Variants in CMKLR1 observed in about 807,000 individuals in gnomAD.
The protein encoded by CMKLR1 is chemerin-like receptor 1.
In CMKLR1, 6 loss-of-function variants were observed where a neutral mutation model predicts 8.2. The observed-to-expected ratio is 0.73, with a 90% CI of 0.40 to 1.44. The LOEUF is 1.44. Ranked by LOEUF, CMKLR1 falls within the 40% of genes most tolerant of loss-of-function variation. The pLI, the probability that CMKLR1 is intolerant of heterozygous loss-of-function variation, is 0.02. For synonymous variants in CMKLR1, 178 were observed against 181.2 expected (o/e 0.98, Z 0.14); for missense variants, 429 against 478.0 (o/e 0.90, Z 0.96).
intron 2 of CMKLR1, chr12:108,320,744 A>C (rs1426051900): frequency 6.6e-6 from 1 of 152,312 alleles, no homozygotes; most frequent in Non-Finnish European, 1.5e-5. Context: ...TCACACCCAC[A>C]TCCACACTGG....
intron 2 of CMKLR1, chr12:108,317,893 T>C (rs1212885818): frequency 6.6e-6 from 1 of 152,268 alleles, no homozygotes; most frequent in African/African-American, 2.4e-5. Flanking sequence ...TCATGTCTCC[T>C]TCCAGAGTTT....
chr12:108,304,929 G>C (rs1057224189), intron 2 of CMKLR1, among the ~76,000 whole-genome samples: 2 of 152,240 alleles, frequency 1.3e-5, no homozygotes, highest in South Asian at 2.1e-4. Flanking sequence ...GAGCCCATCA[G>C]GGAAACTGGA....
At chr12:108,319,714 A>G (rs997776003) in intron 2 of CMKLR1, among the ~76,000 whole-genome samples, 3 of 152,160 alleles carry the variant, frequency 2.0e-5, no homozygotes, top group Non-Finnish European at 4.4e-5. Flanking sequence ...GTTGTTGTTG[A>G]GTATAATTAT....
At chr12:108,301,071 C>CTTTT (rs11303250) in intron 2 of CMKLR1, among the ~76,000 whole-genome samples, 14 of 90,402 alleles carry the variant, frequency 1.5e-4, no homozygotes, top group South Asian at 4.6e-4. Context: ...CCACCCAAGT[C>CTTTT]TTTTTTTTTT....
chr12:108,293,061 G>A (rs533727463), intron 3 of CMKLR1, 102 bp from the exon 4 acceptor site: 1 of 1,105,784 alleles, frequency 9.0e-7, no homozygotes, highest in African/African-American at 1.6e-5. Context: ...CTCTGAGCAA[G>A]TCCAGTTTTG....
At chr12:108,325,788 A>C (rs577245490) in intron 2 of CMKLR1, among the ~76,000 whole-genome samples, 2 of 152,208 alleles carry the variant, frequency 1.3e-5, no homozygotes, top group African/African-American at 4.8e-5. Flanking sequence ...ACTTCTACCC[A>C]CACCAGCGCA....
At chr12:108,316,208 G>A (rs190990440) in intron 2 of CMKLR1, among the ~76,000 whole-genome samples, 22 of 152,288 alleles carry the variant, frequency 1.4e-4, no homozygotes, top group African/African-American at 5.1e-4. Flanking sequence ...TGCACTGGTC[G>A]CCAGCCTGAG....
Position 108,289,279 on chromosome 12 carries a change from G to A in CMKLR1, c.*2562C>T, listed in dbSNP as rs2162289. Reference sequence around the variant, plus strand: ...AAGTATGTTGGTTGCCTGTGCAGCAGTGCAGGTGAGCACACTTTGCACACT... The same window carrying A: ...AAGTATGTTGGTTGCCTGTGCAGCAATGCAGGTGAGCACACTTTGCACACT... On this transcript the variant is annotated 3_prime_UTR_variant, in exon 4 of 4. Coordinates refer to ENST00000550402, the MANE Select transcript of CMKLR1 (RefSeq NM_001142343.2). 0.47 allele frequency: 71,373 copies of A among 152,150 alleles called. 17,427 individuals carry two copies. Among genetic ancestry groups the A allele is most frequent in the African/African-American group, 0.62 (25,595 of 41,452 alleles). 9.4% of individuals were successfully genotyped at this position (152,150 alleles called of 1,614,324 possible).
chr12:108,298,698 C>T (rs941418361), intron 2 of CMKLR1, among the ~76,000 whole-genome samples: 5 of 152,322 alleles, frequency 3.3e-5, no homozygotes, highest in African/African-American at 4.8e-5. Context: ...AGAGGCAGGC[C>T]GGCCTGACAC....
intron 3 of CMKLR1, 121 bp from the exon 4 acceptor site, chr12:108,293,080 C>T (rs1475757025): frequency 3.3e-6 from 3 of 896,468 alleles, no homozygotes; most frequent in Non-Finnish European, 3.4e-6. Context: ...TGTGATTTAA[C>T]CATTTCCTTC....
At position 108,293,615 on chromosome 12, in the gene CMKLR1, C is replaced by A. The variant is rs780390118; in HGVS notation, c.-24G>T. 2 of 1,549,668 alleles carry A rather than the reference C, an allele frequency of 1.3e-6. No homozygotes were observed. The highest frequency in any genetic ancestry group is 1.7e-6 in the Non-Finnish European group (2 of 1,146,684). On this transcript the variant is annotated 5_prime_UTR_variant, in exon 3 of 4. Coordinates refer to ENST00000550402, the MANE Select transcript of CMKLR1 (RefSeq NM_001142343.2). ...ATTCACCGTTATGTTGTCTGCAGCT[C>A]TCCAATGTGAGTCCTCAGCCAATCA...
chr12:108,325,948 C>T (rs1408357292), intron 2 of CMKLR1, among the ~76,000 whole-genome samples: 1 of 152,188 alleles, frequency 6.6e-6, no homozygotes, highest in Non-Finnish European at 1.5e-5. Context: ...GTTGGGGTAA[C>T]CACTCCTACC....
At chr12:108,320,107 A>G (rs1368235457) in intron 2 of CMKLR1, among the ~76,000 whole-genome samples, 1 of 152,078 alleles carries the variant, frequency 6.6e-6, no homozygotes, top group Non-Finnish European at 1.5e-5. Flanking sequence ...AATTTGAAGG[A>G]CAAGCAGGAG....
At chr12:108,321,354 C>A (rs1413841666) in intron 2 of CMKLR1, among the ~76,000 whole-genome samples, 1 of 152,084 alleles carries the variant, frequency 6.6e-6, no homozygotes, top group Non-Finnish European at 1.5e-5. Flanking sequence ...ATCAATTGAG[C>A]CCAGAAGGTC....
chr12:108,330,816 T>C (rs1010190983), intron 1 of CMKLR1, among the ~76,000 whole-genome samples: 3 of 152,158 alleles, frequency 2.0e-5, no homozygotes, highest in African/African-American at 7.2e-5. Context: ...GCCCCATTGA[T>C]AGTAGAACAG....
In CMKLR1 at chr12:108,331,118, G is replaced by A. The variant is rs191595271; in HGVS notation, c.-286-911C>T. On this transcript the variant is annotated intron_variant, in intron 1 of 3. Transcript: ENST00000550402. The stretch of plus-strand genomic sequence containing the variant: ...ACTAGAAATCACCAGTACCTGGGAT[G>A]GAGAGACTCAAGCTGGGAAGTTAAA... Among the ~76,000 whole-genome samples the A allele has an allele frequency of 2.6e-4, 40 of 152,278 alleles. 4 individuals carry two copies. The highest frequency in any genetic ancestry group is 8.9e-4 in the African/African-American group (37 of 41,546).
intron 2 of CMKLR1, among the ~76,000 whole-genome samples, chr12:108,308,783 G>A (rs4964246): frequency 0.72 from 110,079 of 152,054 alleles, 40,080 homozygotes; most frequent in African/African-American, 0.79. Flanking sequence ...CTTCCTTCCA[G>A]TCCTCTAATC....
intron 2 of CMKLR1, among the ~76,000 whole-genome samples, chr12:108,324,413 G>T (rs1024868408): frequency 1.3e-5 from 2 of 152,146 alleles, no homozygotes; most frequent in African/African-American, 4.8e-5. Flanking sequence ...ATATACAATG[G>T]AGAGGTGAGG....
At chr12:108,293,254 T>C (rs1593156597) in intron 3 of CMKLR1, among the ~76,000 whole-genome samples, 2 of 152,196 alleles carry the variant, frequency 1.3e-5, no homozygotes, top group African/African-American at 4.8e-5. Context: ...GCTTATGTCA[T>C]TTGCCTGAAG....
Sources: allele counts gnomAD v4.1 joint callset (sites outside exome capture counted in the v4.1 genomes callset), GRCh38; gene constraint gnomAD v4.1.1; transcripts MANE v1.5; gene names NCBI Gene and HGNC (gene_info 2026-07-23, HGNC 2026-07-21).